Variants in OCA2 observed in about 807,000 individuals in gnomAD.
OCA2 encodes OCA2 melanosomal transmembrane protein.
OCA2 carries 77 observed loss-of-function variants against 100.2 expected under a neutral mutation model. The ratio of observed to expected loss-of-function variants is 0.77; its 90% CI spans 0.64 to 0.93. The LOEUF is 0.93. OCA2 is among the 40% of genes least tolerant of loss of function. The pLI is 0.00. For synonymous variants in OCA2, 432 were observed against 439.2 expected (o/e 0.98, Z 0.21); for missense variants, 1,062 against 1,089.1 (o/e 0.98, Z 0.35).
At chr15:27,737,684 C>CAAAT in the OCA2 span, among the ~76,000 whole-genome samples, 2 of 152,160 alleles carry the variant, frequency 1.3e-5, no homozygotes, top group Non-Finnish European at 2.9e-5. Flanking sequence ...GGGAGGTGAG[C>CAAAT]AAATATTCCT....
At chr15:27,899,495 A>G (rs539739256) in intron 19 of OCA2, among the ~76,000 whole-genome samples, 4 of 152,238 alleles carry the variant, frequency 2.6e-5, no homozygotes, top group Non-Finnish European at 5.9e-5. Flanking sequence ...GAAATGTTAG[A>G]AACATTTTAC....
chr15:27,758,345 G>A (rs2030552298), intron 23 of OCA2, among the ~76,000 whole-genome samples: 1 of 151,976 alleles, frequency 6.6e-6, no homozygotes. Flanking sequence ...AATTCCACGG[G>A]AAAAAAAATT....
chr15:27,771,481 G>T (rs891340053), intron 23 of OCA2, among the ~76,000 whole-genome samples: 3 of 152,048 alleles, frequency 2.0e-5, no homozygotes, highest in African/African-American at 7.3e-5. Flanking sequence ...GCAGCGCCCA[G>T]CTGGGGGGTG....
chr15:28,030,293 C>G (rs2141367281), intron 3 of OCA2, among the ~76,000 whole-genome samples: 1 of 152,104 alleles, frequency 6.6e-6, no homozygotes, highest in East Asian at 1.9e-4. Flanking sequence ...GCCAACATAA[C>G]CATAGATAGC....
intron 2 of OCA2, among the ~76,000 whole-genome samples, chr15:28,070,638 G>A (rs1269582530): frequency 2.2e-4 from 32 of 147,348 alleles, no homozygotes; most frequent in South Asian, 6.6e-4. Flanking sequence ...CCCTCTGCCC[G>A]GCCACCACCC....
chr15:27,933,697 CT>C lies in OCA2; in HGVS notation c.1952-7444del, dbSNP rs1175035296. On this transcript the variant is annotated intron_variant, in intron 18 of 23. Coordinates refer to ENST00000354638, the MANE Select transcript of OCA2 (RefSeq NM_000275.3). ...CGTGCATGCTGGAGAGAACATAAGACTCATTGTCCAGAAGAAGAATGTCATG... is the reference window on the plus strand; with the variant it reads ...CGTGCATGCTGGAGAGAACATAAGACCATTGTCCAGAAGAAGAATGTCATG... Among the ~76,000 whole-genome samples, 9 of 152,260 alleles carry C rather than the reference CT, an allele frequency of 5.9e-5. 1 individual carries two copies. In the East Asian group the frequency reaches 1.7e-3, roughly 29 times the overall value.
intron 19 of OCA2, among the ~76,000 whole-genome samples, chr15:27,915,279 C>G (rs2038622877): frequency 6.6e-6 from 1 of 152,088 alleles, no homozygotes; most frequent in Non-Finnish European, 1.5e-5. Context: ...CTAGGACGTA[C>G]CATTTTGGAC....
intron 23 of OCA2, among the ~76,000 whole-genome samples, chr15:27,782,823 C>A (rs2032612517): frequency 1.3e-5 from 2 of 152,198 alleles, no homozygotes; most frequent in Admixed American, 1.3e-4. Flanking sequence ...CCTACTATCC[C>A]CATAGGGGCT....
intron 9 of OCA2, among the ~76,000 whole-genome samples, chr15:28,011,513 G>C (rs2042238391): frequency 6.6e-6 from 1 of 150,456 alleles, no homozygotes; most frequent in Non-Finnish European, 1.5e-5. Flanking sequence ...ATAGATCCTG[G>C]TCTTAAAAGT....
At chr15:27,727,887 A>G in the OCA2 span, among the ~76,000 whole-genome samples, 2 of 152,078 alleles carry the variant, frequency 1.3e-5, no homozygotes, top group African/African-American at 2.4e-5. Context: ...TACTTTAAAC[A>G]CATCTGCAAA....
chr15:27,905,025 G>T (rs200745595), intron 19 of OCA2, among the ~76,000 whole-genome samples: 28 of 152,142 alleles, frequency 1.8e-4, no homozygotes, highest in South Asian at 1.2e-3. Flanking sequence ...TTAGCCGGGC[G>T]TGGTGGTGGG....
intron 23 of OCA2, among the ~76,000 whole-genome samples, chr15:27,769,975 C>T (rs2031590540): frequency 6.6e-6 from 1 of 151,100 alleles, no homozygotes; most frequent in Non-Finnish European, 1.5e-5. Flanking sequence ...AGCCTCATAC[C>T]CCATCTCCTG....
chr15:27,941,542 T>C (rs1209449473), intron 18 of OCA2, among the ~76,000 whole-genome samples: 1 of 84,636 alleles, frequency 1.2e-5, no homozygotes, highest in Non-Finnish European at 2.0e-5. Flanking sequence ...ATGGAGGATA[T>C]TGGCTGCATT....
intron 2 of OCA2, among the ~76,000 whole-genome samples, chr15:28,055,929 C>A (rs190277304): frequency 6.6e-6 from 1 of 152,288 alleles, no homozygotes; most frequent in Admixed American, 6.5e-5. Context: ...TGCCAGGAGC[C>A]CTGGGATTCC....
chr15:28,009,671 G>A (rs2141186748), intron 9 of OCA2, among the ~76,000 whole-genome samples: 1 of 146,548 alleles, frequency 6.8e-6, no homozygotes, highest in East Asian at 2.0e-4. Context: ...CTGGGCAACA[G>A]AGCGAGATTC....
chr15:27,827,464 A>G (rs1337439423), intron 23 of OCA2, among the ~76,000 whole-genome samples: 1 of 152,174 alleles, frequency 6.6e-6, no homozygotes, highest in Non-Finnish European at 1.5e-5. Flanking sequence ...GGAGCTGGGG[A>G]GTGCAATTAG....
intron 19 of OCA2, among the ~76,000 whole-genome samples, chr15:27,898,366 G>A (rs1416800649): frequency 2.6e-5 from 4 of 152,148 alleles, no homozygotes; most frequent in African/African-American, 9.7e-5. Flanking sequence ...AAATTATGGG[G>A]ATGGGACTCT....
At chr15:27,978,116 C>G (rs537296693) in intron 14 of OCA2, among the ~76,000 whole-genome samples, 2 of 152,262 alleles carry the variant, frequency 1.3e-5, no homozygotes, top group South Asian at 4.1e-4. Context: ...TTCCACATAT[C>G]CTTGTTATTA....
At position 27,902,469 on chromosome 15, in the gene OCA2, T is replaced by C. The variant is rs566151757; in HGVS notation, c.2079+23658A>G. ...CCTTTTCCCAAATTAAAGTATAAAT[T>C]GGTAAATTTGAAGAAATCCAGTTCC... On this transcript the variant is annotated intron_variant, in intron 19 of 23. Transcript: ENST00000354638. Among the ~76,000 whole-genome samples the C allele has an allele frequency of 2.0e-5, 3 of 152,318 alleles. No individual in the cohort carries two copies. In the South Asian group the frequency reaches 6.2e-4, roughly 32 times the overall value.
Sources: gnomAD v4.1 joint callset for allele counts (sites outside exome capture counted in the v4.1 genomes callset) on GRCh38, gnomAD v4.1.1 for gene constraint, MANE v1.5 for transcripts, NCBI Gene and HGNC (gene_info 2026-07-23, HGNC 2026-07-21) for gene names.